RERE: variants seen among roughly 807,000 people sequenced by gnomAD.
The protein encoded by RERE is arginine-glutamic acid dipeptide repeats protein.
A neutral mutation model predicts 146.1 loss-of-function variants in RERE; 40 were observed. The observed-to-expected ratio is 0.27, with a 90% CI of 0.21 to 0.36. The LOEUF is 0.36. Among genes scored for constraint, RERE ranks in the 10% least tolerant of loss-of-function variants. The pLI, the probability that RERE is intolerant of heterozygous loss-of-function variation, is 1.00. For missense variants in RERE, 1,933 were observed against 2,138.7 expected (o/e 0.90, Z 1.90); for synonymous variants, 1,003 against 866.0 (o/e 1.16, Z -2.78).
intron 4 of RERE, among the ~76,000 whole-genome samples, chr1:8,565,688 G>C (rs1393769445): frequency 1.3e-5 from 2 of 152,158 alleles, no homozygotes; most frequent in Non-Finnish European, 2.9e-5. Context: ...TCCAGCCTGG[G>C]CAACAAGAGC....
intron 1 of RERE, among the ~76,000 whole-genome samples, chr1:8,800,845 G>T (rs544587375): frequency 3.3e-5 from 5 of 152,208 alleles, no homozygotes; most frequent in African/African-American, 9.6e-5. Context: ...CACGCCTGTA[G>T]TCCCAGCTAT....
At chr1:8,705,904 C>T (rs533785582) in intron 1 of RERE, among the ~76,000 whole-genome samples, 2 of 152,192 alleles carry the variant, frequency 1.3e-5, no homozygotes, top group East Asian at 3.9e-4. Context: ...ATCATGAGGT[C>T]AGGAGATCGA....
intron 4 of RERE, among the ~76,000 whole-genome samples, chr1:8,607,534 C>CTTTTTTCTTTTT (rs1646733411): frequency 2.1e-5 from 1 of 48,584 alleles, no homozygotes; most frequent in African/African-American, 8.6e-5. Context: ...ATATATATTT[C>CTTTTTTCTTTTT]TTTTTTTTTT....
chr1:8,647,678 TCC>T (rs1404214314), intron 2 of RERE, among the ~76,000 whole-genome samples: 6 of 150,218 alleles, frequency 4.0e-5, no homozygotes, highest in African/African-American at 7.4e-5. Context: ...TGTGTGTGTG[TCC>T]CCTGGAACAC....
chr1:8,503,123 TAAATAAAA>T (rs1214188744), intron 8 of RERE, among the ~76,000 whole-genome samples: 30 of 150,270 alleles, frequency 2.0e-4, no homozygotes, highest in African/African-American at 6.1e-4. Context: ...AATAAATAAA[TAAATAAAA>T]AAGAATTGAT....
intron 11 of RERE, among the ~76,000 whole-genome samples, chr1:8,451,104 T>G (rs1286625239): frequency 1.3e-5 from 2 of 152,198 alleles, no homozygotes; most frequent in Non-Finnish European, 2.9e-5. Context: ...AGCCTGGGGC[T>G]TAACTATCCA....
At chr1:8,397,114 G>T (rs1643082371) in intron 12 of RERE, among the ~76,000 whole-genome samples, 1 of 152,196 alleles carries the variant, frequency 6.6e-6, no homozygotes, top group African/African-American at 2.4e-5. Context: ...CAGCACAGCA[G>T]CTAAGACTGG....
chr1:8,557,371 G>T, intron 5 of RERE, 47 bp downstream of exon 5: 2 of 1,240,230 alleles, frequency 1.6e-6, no homozygotes, highest in Non-Finnish European at 2.4e-6. Flanking sequence ...AAAGAACTTT[G>T]CCCAAAGCTA....
intron 1 of RERE, among the ~76,000 whole-genome samples, chr1:8,723,942 T>C (rs1183551190): frequency 6.6e-6 from 1 of 152,202 alleles, no homozygotes; most frequent in Non-Finnish European, 1.5e-5. Context: ...ATTCCTTCCC[T>C]TAAATGAAGC....
intron 4 of RERE, among the ~76,000 whole-genome samples, chr1:8,566,221 C>T (rs951343105): frequency 6.6e-6 from 1 of 152,204 alleles, no homozygotes; most frequent in Non-Finnish European, 1.5e-5. Context: ...CCTGAATCCA[C>T]CTATGGAAGG....
At position 8,362,625 on chromosome 1, in the gene RERE, A is replaced by G. The variant is rs1328335634; in HGVS notation, c.1902+58T>C. 5 of 1,609,082 alleles carry G rather than the reference A, an allele frequency of 3.1e-6. No individual in the cohort carries two copies. The East Asian group carries it at 1.1e-4, about 36-fold the overall frequency. Reference sequence around the variant, plus strand: ...GGGAGCTGATCACGAATACCAGCAAACCAGTTTTAATGTGAGGGAGGGACA... The same window carrying G: ...GGGAGCTGATCACGAATACCAGCAAGCCAGTTTTAATGTGAGGGAGGGACA... On this transcript the variant is annotated intron_variant, in intron 16 of 22. Coordinates refer to ENST00000400908, the MANE Select transcript of RERE (RefSeq NM_001042681.2).
Position 8,706,890 on chromosome 1 carries a change from T to G in RERE, c.-144-50449A>C, listed in dbSNP as rs369386413. On this transcript the variant is annotated intron_variant, in intron 1 of 22. Transcript: ENST00000400908. ...AGTTATTACAACAAAAACTATAATTTTTCAGGTGTTTTGCACATGACCACA... is the reference window on the plus strand; with the variant it reads ...AGTTATTACAACAAAAACTATAATTGTTCAGGTGTTTTGCACATGACCACA... Among the ~76,000 whole-genome samples, 601 of 152,318 alleles carry G rather than the reference T, an allele frequency of 3.9e-3. 3 individuals are homozygous for G. Among genetic ancestry groups the G allele is most frequent in the Non-Finnish European group, 6.0e-3 (411 of 68,032 alleles).
chr1:8,448,934 C>T (rs891612005), intron 11 of RERE, among the ~76,000 whole-genome samples: 2 of 152,070 alleles, frequency 1.3e-5, no homozygotes, highest in South Asian at 2.1e-4. Flanking sequence ...TGACTGGACA[C>T]GATGTCAGCA....
chr1:8,588,444 G>C (rs146341702), intron 4 of RERE, among the ~76,000 whole-genome samples: 1 of 152,046 alleles, frequency 6.6e-6, no homozygotes, highest in Non-Finnish European at 1.5e-5. Context: ...TCGTCGCCTC[G>C]TCCAGTCTCT....
chr1:8,764,195 T>C (rs1042203370), intron 1 of RERE, among the ~76,000 whole-genome samples: 3 of 152,110 alleles, frequency 2.0e-5, no homozygotes, highest in Admixed American at 1.3e-4. Flanking sequence ...CTGCTCCTTA[T>C]GCACTCAGCC....
At chr1:8,418,385 T>C (rs1012189433) in intron 12 of RERE, among the ~76,000 whole-genome samples, 3 of 152,102 alleles carry the variant, frequency 2.0e-5, no homozygotes, top group African/African-American at 7.2e-5. Flanking sequence ...ACCTTCCATC[T>C]CCCTCCAGGG....
chr1:8,736,613 A>T (rs1421109824), intron 1 of RERE, among the ~76,000 whole-genome samples: 1 of 152,234 alleles, frequency 6.6e-6, no homozygotes, highest in Middle Eastern at 3.2e-3. Flanking sequence ...TTTCAAAAAT[A>T]TAATAATCTT....
At chr1:8,564,824 A>ATGTGTGTGTGTG (rs1182779393) in intron 4 of RERE, among the ~76,000 whole-genome samples, 46 of 48,830 alleles carry the variant, frequency 9.4e-4, no homozygotes, top group East Asian at 4.6e-3. Context: ...ATGTGTGTGT[A>ATGTGTGTGTGTG]TATGTGTATG....
chr1:8,500,093 C>T (rs902796231), intron 8 of RERE, among the ~76,000 whole-genome samples: 19 of 152,312 alleles, frequency 1.2e-4, no homozygotes, highest in African/African-American at 4.6e-4. Flanking sequence ...TGCACTCCAG[C>T]TTGGGTGACA....
Sources: gnomAD v4.1 joint callset for allele counts (sites outside exome capture counted in the v4.1 genomes callset) on GRCh38, gnomAD v4.1.1 for gene constraint, MANE v1.5 for transcripts, NCBI Gene and HGNC (gene_info 2026-07-23, HGNC 2026-07-21) for gene names.